FAM220A: variants seen among roughly 807,000 people sequenced by gnomAD.
FAM220A encodes family with sequence similarity 220 member A, also known as protein FAM220A.
For synonymous variants in FAM220A, 141 were observed against 130.7 expected (o/e 1.08, Z -0.54); for missense variants, 392 against 321.6 (o/e 1.22, Z -1.68).
rs529736303 is a variant in FAM220A at position 6,339,515 on chromosome 7, GCT to G, written c.-81-8282_-81-8281del. On this transcript the variant is annotated intron_variant, in intron 1 of 1. Transcript: ENST00000313324. ...GTTTTTTTTTTTGAGACGGAGTCTC[GCT>G]CTGTCGCCCAGGCTGGAGTGCAGTG... is the stretch of plus-strand genomic sequence containing the variant. 2.6e-3 allele frequency among the ~76,000 whole-genome samples: 394 copies of G among 150,544 alleles called. 2 individuals are homozygous for G. The highest frequency in any genetic ancestry group is 0.01 in the Middle Eastern group (3 of 292).
Position 6,330,819 on chromosome 7 carries a change from C to G in FAM220A, c.336G>C (p.Glu112Asp), listed in dbSNP as rs1441971045. The change falls in exon 2 of 2, where the codon GAG (glutamate) becomes GAC (aspartate). Residue 112 changes from glutamate (E) to aspartate (D), a missense_variant. Physicochemically the swap from Glu to Asp is conservative, Grantham distance 45 (BLOSUM62 2). Transcript: ENST00000313324. ...TAVGLFPAPT[E>D]CFARVSCSGV... The stretch of plus-strand genomic sequence containing the variant: ...CACTGCAGGACACCCGAGCAAAACA[C>G]TCTGTTGGAGCAGGGAACAAACCCA... 1 of 1,614,178 alleles carries G rather than the reference C, an allele frequency of 6.2e-7. No homozygotes were observed. Among genetic ancestry groups the G allele is most frequent in the South Asian group, 1.1e-5 (1 of 91,080 alleles).
At chr7:6,334,689 C>G (rs997199753) in intron 1 of FAM220A, among the ~76,000 whole-genome samples, 2 of 151,942 alleles carry the variant, frequency 1.3e-5, no homozygotes, top group Non-Finnish European at 2.9e-5. Flanking sequence ...TGGTCTCAAA[C>G]TCCTGAGCTC....
At chr7:6,341,143 CA>C (rs199600967) in intron 1 of FAM220A, among the ~76,000 whole-genome samples, 39 of 141,908 alleles carry the variant, frequency 2.7e-4, no homozygotes, top group Non-Finnish European at 2.3e-4. Context: ...GACTCTGTCC[CA>C]AAAAAAAAAA....
Position 6,330,659 on chromosome 7 carries a change from T to G in FAM220A, c.496A>C (p.Ser166Arg). ...GCACTTGGTGGGTCATCCTGAAAAC[T>G]TCCCATTTCCGGCACTTTTTGATGG... ...PRHQKVPEMG[S>R]FQDDPPSAFP... The change falls in exon 2 of 2, where the codon AGT (serine) becomes CGT (arginine). Residue 166 changes from serine to arginine, a missense_variant. By Grantham distance (110) the Ser-to-Arg change is moderately radical. Transcript: ENST00000313324. The G allele has an allele frequency of 1.9e-6, 3 of 1,614,092 alleles. No individual in the cohort carries two copies. Among genetic ancestry groups the G allele is most frequent in the Non-Finnish European group, 2.5e-6 (3 of 1,180,028 alleles).
At chr7:6,340,898 C>CA (rs34572127) in intron 1 of FAM220A, among the ~76,000 whole-genome samples, 5,259 of 33,434 alleles carry the variant, frequency 0.16, 436 homozygotes, top group East Asian at 0.52. Context: ...GACTCCATCT[C>CA]AAAAAAAAAA....
chr7:6,329,551 T>G lies in FAM220A; in HGVS notation c.*824A>C, dbSNP rs1238677572. 6.5e-6 allele frequency: 1 copy of G among 153,828 alleles called. No individual in the cohort carries two copies. The highest frequency in any genetic ancestry group is 2.4e-5 in the African/African-American group (1 of 41,440). The allele number at this position is 153,828 out of a possible 1,614,324, so 9.5% of individuals were successfully genotyped here. On this transcript the variant is annotated 3_prime_UTR_variant, in exon 2 of 2. Transcript: ENST00000313324. ...TCGATAATCCCGAAAATGTTTAAGT[T>G]TCACTTTGGGAGTCTTTAAAAACTT... is the stretch of plus-strand genomic sequence containing the variant.
chr7:6,331,658 G>A (rs1781638754), intron 1 of FAM220A, among the ~76,000 whole-genome samples: 1 of 151,766 alleles, frequency 6.6e-6, no homozygotes, highest in Non-Finnish European at 1.5e-5. Context: ...GGGATTACAG[G>A]CGTGAGCCAC....
At chr7:6,343,841 G>A (rs1320082191) in intron 1 of FAM220A, among the ~76,000 whole-genome samples, 2 of 152,050 alleles carry the variant, frequency 1.3e-5, no homozygotes, top group African/African-American at 4.8e-5. Flanking sequence ...GAGTTCCTTA[G>A]GCCTTATTAC....
At chr7:6,338,281 G>C (rs984951867) in intron 1 of FAM220A, among the ~76,000 whole-genome samples, 3 of 152,100 alleles carry the variant, frequency 2.0e-5, no homozygotes, top group African/African-American at 7.2e-5. Context: ...TTCTCAGTAT[G>C]CTAGAGATAT....
At chr7:6,337,231 C>T (rs1781765823) in intron 1 of FAM220A, among the ~76,000 whole-genome samples, 1 of 152,118 alleles carries the variant, frequency 6.6e-6, no homozygotes. Context: ...GCCACCATGG[C>T]CCTGGCTGGT....
Position 6,330,088 on chromosome 7 carries a change from G to A in FAM220A, c.*287C>T, listed in dbSNP as rs142911241. On this transcript the variant is annotated 3_prime_UTR_variant, in exon 2 of 2. Transcript: ENST00000313324. The stretch of plus-strand genomic sequence containing the variant: ...TGGATGTTGAAGACAGAACTTCATG[G>A]TAAATCCGTATGTTCTAATCTGGTA... 1.2e-4 allele frequency: 45 copies of A among 369,934 alleles called. No individual in the cohort carries two copies. Among genetic ancestry groups the A allele is most frequent in the African/African-American group, 8.8e-4 (41 of 46,712 alleles). 22.9% of individuals were successfully genotyped at this position (369,934 alleles called of 1,614,324 possible). A position where few individuals can be genotyped will look rare whatever the true frequency, so the allele number is the denominator to read the frequency against.
chr7:6,342,438 G>C (rs935254565), intron 1 of FAM220A, among the ~76,000 whole-genome samples: 4 of 151,618 alleles, frequency 2.6e-5, no homozygotes. Flanking sequence ...CCAGCTACTC[G>C]GGAGGCAGGA....
intron 1 of FAM220A, among the ~76,000 whole-genome samples, chr7:6,334,065 ATCTATC>A (rs1304895409): frequency 2.0e-5 from 3 of 150,462 alleles, no homozygotes; most frequent in African/African-American, 7.3e-5. Flanking sequence ...CCAGGATGGA[ATCTATC>A]TCCTGACCTC....
Position 6,330,477 on chromosome 7 carries a change from T to G in FAM220A, c.678A>C (p.Glu226Asp). Reference sequence around the variant, plus strand: ...AGGTGCTTTTAAGCATTTTCTTGAATTCTATTGTTTGCTTTGAAAACATGG... The same window carrying G: ...AGGTGCTTTTAAGCATTTTCTTGAAGTCTATTGTTTGCTTTGAAAACATGG... Reference protein sequence around the residue: ...LKPMFSKQTIEFKKMLKSTSD... With the variant: ...LKPMFSKQTIDFKKMLKSTSD... The change falls in exon 2 of 2, where the codon GAA (glutamate) becomes GAC (aspartate). Residue 226 changes from glutamate to aspartate, a missense_variant. By Grantham distance (45) the Glu-to-Asp change is conservative. Transcript: ENST00000313324. The G allele has an allele frequency of 1.9e-6, 3 of 1,614,186 alleles. No homozygotes were observed. Among genetic ancestry groups the G allele is most frequent in the Non-Finnish European group, 2.5e-6 (3 of 1,180,042 alleles).
chr7:6,337,945 AG>A (rs1351951134), intron 1 of FAM220A, among the ~76,000 whole-genome samples: 2 of 151,644 alleles, frequency 1.3e-5, no homozygotes, highest in Non-Finnish European at 2.9e-5. Flanking sequence ...CTGGTACTAC[AG>A]GCACCAGCTG....
At chr7:6,338,310 T>C (rs748180104) in intron 1 of FAM220A, among the ~76,000 whole-genome samples, 18 of 152,172 alleles carry the variant, frequency 1.2e-4, no homozygotes, top group Non-Finnish European at 1.8e-4. Flanking sequence ...AGATAAAATA[T>C]GCCTAAGTGT....
chr7:6,330,373 C>T lies in FAM220A; in HGVS notation c.*2G>A. The T allele has an allele frequency of 6.2e-7, 1 of 1,607,404 alleles. No individual in the cohort carries two copies. The highest frequency in any genetic ancestry group is 8.5e-7 in the Non-Finnish European group (1 of 1,177,782). On this transcript the variant is annotated 3_prime_UTR_variant, in exon 2 of 2. Coordinates refer to ENST00000313324, the MANE Select transcript of FAM220A (RefSeq NM_001037163.2). ...ATCTATTGGTATTGTTCTGCTTGTA[C>T]CTTAACTATGGCATAATGTATTTGC... is the stretch of plus-strand genomic sequence containing the variant.
At chr7:6,347,393 G>A (rs1562449994) in intron 1 of FAM220A, among the ~76,000 whole-genome samples, 1 of 151,960 alleles carries the variant, frequency 6.6e-6, no homozygotes, top group African/African-American at 2.4e-5. Flanking sequence ...GCGGGCACCT[G>A]TAGTCCCAGC....
At chr7:6,340,940 T>A in intron 1 of FAM220A, among the ~76,000 whole-genome samples, 2 of 103,798 alleles carry the variant, frequency 1.9e-5, no homozygotes, top group African/African-American at 4.0e-5. Context: ...TCATCCTGCC[T>A]AACATGGTGA....
Sources: allele counts gnomAD v4.1 joint callset (sites outside exome capture counted in the v4.1 genomes callset), GRCh38; gene constraint gnomAD v4.1.1; transcripts MANE v1.5; gene names NCBI Gene and HGNC (gene_info 2026-07-23, HGNC 2026-07-21).